The following WNT8B variants were observed in gnomAD, a reference collection of about 807,000 sequenced individuals.
WNT8B encodes protein Wnt-8b.
WNT8B carries 24 observed loss-of-function variants against 36.6 expected under a neutral mutation model. The observed-to-expected ratio is 0.66, with a 90% CI of 0.48 to 0.92. The LOEUF (loss-of-function observed/expected upper bound fraction) is 0.92, where lower values mean the gene tolerates loss of function less well. Ranked by LOEUF, WNT8B falls within the 40% of genes least tolerant of loss-of-function variation. WNT8B has a pLI of 0.00. For synonymous variants in WNT8B, 199 were observed against 189.8 expected (o/e 1.05, Z -0.40); for missense variants, 402 against 470.8 (o/e 0.85, Z 1.35).
chr10:100,468,197 G>C (rs1254224834), intron 1 of WNT8B, among the ~76,000 whole-genome samples: 1 of 152,134 alleles, frequency 6.6e-6, no homozygotes, highest in African/African-American at 2.4e-5. Context: ...CATCTATTTG[G>C]ATTAATTCCA....
Position 100,469,333 on chromosome 10 carries a change from A to C in WNT8B, c.68+6097A>C, listed in dbSNP as rs1048931654. Among the ~76,000 whole-genome samples, 3 of 152,200 alleles carry C rather than the reference A, an allele frequency of 2.0e-5. No individual in the cohort carries two copies. The East Asian group carries it at 5.8e-4, about 29-fold the overall frequency. ...TTGTGTTCTATTGCCATACTTAAAT[A>C]GATCCCTCCACTGATACCAGCTTTG... On this transcript the variant is annotated intron_variant, in intron 1 of 5. Coordinates refer to ENST00000343737, the MANE Select transcript of WNT8B (RefSeq NM_003393.4).
chr10:100,483,227 G>A lies in WNT8B; in HGVS notation c.*411G>A, dbSNP rs566746739. 17 of 168,902 alleles carry A rather than the reference G, an allele frequency of 1.0e-4. No homozygotes were observed. The highest frequency in any genetic ancestry group is 4.4e-4 in the Admixed American group (7 of 15,834). 10.5% of individuals were successfully genotyped at this position (168,902 alleles called of 1,614,324 possible). A position where few individuals can be genotyped will look rare whatever the true frequency, so the allele number is the denominator to read the frequency against. On this transcript the variant is annotated 3_prime_UTR_variant, in exon 6 of 6. Transcript: ENST00000343737. ...CCTTTTGCCCACTGTCTGCTACCAG[G>A]GCTCACCCACTGCTGCACCTCTCTT...
chr10:100,473,063 C>G lies in WNT8B; in HGVS notation c.69-5989C>G, dbSNP rs576959104. ...TTTCAAAATCCTTGTATTCAATTCA[C>G]TTTTATAGGCACTTACTATGTTCAA... On this transcript the variant is annotated intron_variant, in intron 1 of 5. Coordinates refer to ENST00000343737, the MANE Select transcript of WNT8B (RefSeq NM_003393.4). 1.8e-3 allele frequency among the ~76,000 whole-genome samples: 275 copies of G among 152,222 alleles called. 2 individuals are homozygous for G. The highest frequency in any genetic ancestry group is 6.4e-3 in the African/African-American group (264 of 41,512).
In WNT8B at chr10:100,463,111, C is replaced by T; in HGVS notation, c.-58C>T. 6.6e-7 allele frequency: 1 copy of T among 1,507,512 alleles called. No homozygotes were observed. The highest frequency in any genetic ancestry group is 9.2e-7 in the Non-Finnish European group (1 of 1,086,068). 93.4% of individuals were successfully genotyped at this position (1,507,512 alleles called of 1,614,324 possible). On this transcript the variant is annotated 5_prime_UTR_variant, in exon 1 of 6. Transcript: ENST00000343737. ...GGCACTGAGGAGAATATTTCTCCGTCTTGCTTACCCATCTCCCAGTTTTTT... is the reference window on the plus strand; with the variant it reads ...GGCACTGAGGAGAATATTTCTCCGTTTTGCTTACCCATCTCCCAGTTTTTT...
Position 100,483,318 on chromosome 10 carries a change from C to T in WNT8B, c.*502C>T, listed in dbSNP as rs1000955055. 6.5e-6 allele frequency: 1 copy of T among 153,272 alleles called. No individual in the cohort carries two copies. The highest frequency in any genetic ancestry group is 2.1e-4 in the South Asian group (1 of 4,840). 9.5% of individuals were successfully genotyped at this position (153,272 alleles called of 1,614,324 possible). A position where few individuals can be genotyped will look rare whatever the true frequency, so the allele number is the denominator to read the frequency against. On this transcript the variant is annotated 3_prime_UTR_variant, in exon 6 of 6. Coordinates refer to ENST00000343737, the MANE Select transcript of WNT8B (RefSeq NM_003393.4). ...CCAGGAATCTTGAATGCTTTCTCTCCTCTTCTCCCTTTCCTTTCCCAGAAA... is the reference window on the plus strand; with the variant it reads ...CCAGGAATCTTGAATGCTTTCTCTCTTCTTCTCCCTTTCCTTTCCCAGAAA...
At chr10:100,466,469 A>T (rs1408098900) in intron 1 of WNT8B, among the ~76,000 whole-genome samples, 1 of 152,136 alleles carries the variant, frequency 6.6e-6, no homozygotes, top group African/African-American at 2.4e-5. Flanking sequence ...TCTTGTCATG[A>T]AAGACAATAA....
At chr10:100,465,647 G>C (rs1448852043) in intron 1 of WNT8B, among the ~76,000 whole-genome samples, 1 of 152,162 alleles carries the variant, frequency 6.6e-6, no homozygotes, top group Non-Finnish European at 1.5e-5. Flanking sequence ...TTCTTCAACA[G>C]AAGTCACCGC....
Position 100,482,886 on chromosome 10 carries a change from C to A in WNT8B, c.*70C>A. On this transcript the variant is annotated 3_prime_UTR_variant, in exon 6 of 6. Coordinates refer to ENST00000343737, the MANE Select transcript of WNT8B (RefSeq NM_003393.4). This position sits in a 1 kb window ranked among gnomAD's most constrained non-coding sequence, Gnocchi z 6.6. Reference sequence around the variant, plus strand: ...TTTAGAGACCCCGGTAATTGTGGAACCTAGGGAATGGGGAACCCGCTCTCC... The same window carrying A: ...TTTAGAGACCCCGGTAATTGTGGAAACTAGGGAATGGGGAACCCGCTCTCC... The A allele has an allele frequency of 7.1e-6, 10 of 1,415,570 alleles. No homozygotes were observed. The highest frequency in any genetic ancestry group is 9.3e-6 in the Non-Finnish European group (10 of 1,076,358). 87.7% of individuals were successfully genotyped at this position (1,415,570 alleles called of 1,614,324 possible).
At chr10:100,477,294 T>C (rs966396694) in intron 1 of WNT8B, among the ~76,000 whole-genome samples, 11 of 152,116 alleles carry the variant, frequency 7.2e-5, no homozygotes, top group Admixed American at 6.5e-4. Context: ...TTTATTCATT[T>C]ATTTATTTAT....
intron 1 of WNT8B, among the ~76,000 whole-genome samples, chr10:100,465,399 T>C (rs1442822993): frequency 6.6e-6 from 1 of 152,202 alleles, no homozygotes; most frequent in Non-Finnish European, 1.5e-5. Context: ...ATGATTATAA[T>C]GGTGGCCAGA....
rs1230104628 is a variant in WNT8B at position 100,482,591 on chromosome 10, G to A, written c.831G>A (p.Arg277=). The A allele has an allele frequency of 1.3e-6, 2 of 1,597,574 alleles. No homozygotes were observed. The highest frequency in any genetic ancestry group is 1.3e-5 in the African/African-American group (1 of 74,812). ...TEGRECLRRG[R]ALGRWERRSC... is the part of the protein sequence containing the mutation. ...GCCGAGAGTGCCTAAGGCGCGGGCG[G>A]GCCCTGGGTCGCTGGGAACGCCGCA... is the stretch of plus-strand genomic sequence containing the variant. Residue 277 remains arginine (R), a synonymous_variant, in exon 6 of 6, where the codon CGG becomes CGA. Transcript: ENST00000343737. The surrounding 1 kb of genome is among the most constrained non-coding windows in gnomAD (Gnocchi z 6.6).
In WNT8B at chr10:100,483,049, G is replaced by T; in HGVS notation, c.*233G>T. ...AGCCACACCTAGGTCTGAGAACTCA[G>T]GCTTTGAGTTACTGATCTTCCTTGG... On this transcript the variant is annotated 3_prime_UTR_variant, in exon 6 of 6. Coordinates refer to ENST00000343737, the MANE Select transcript of WNT8B (RefSeq NM_003393.4). The T allele has an allele frequency of 2.1e-6, 1 of 475,064 alleles. No individual in the cohort carries two copies. The highest frequency in any genetic ancestry group is 3.6e-6 in the Non-Finnish European group (1 of 275,704). 29.4% of individuals were successfully genotyped at this position (475,064 alleles called of 1,614,324 possible). A position where few individuals can be genotyped will look rare whatever the true frequency, so the allele number is the denominator to read the frequency against.
At chr10:100,466,757 C>T (rs181923252) in intron 1 of WNT8B, among the ~76,000 whole-genome samples, 1,506 of 148,004 alleles carry the variant, frequency 0.01, 22 homozygotes, top group African/African-American at 0.035. Flanking sequence ...AAAGATATTC[C>T]TTTTTTTTTT....
Position 100,482,252 on chromosome 10 carries a change from C to T in WNT8B, c.511-19C>T. 1 of 1,569,078 alleles carries T rather than the reference C, an allele frequency of 6.4e-7. No individual in the cohort carries two copies. The highest frequency in any genetic ancestry group is 8.6e-7 in the Non-Finnish European group (1 of 1,162,926). ...CACGCGCTTAATCCGGGGCCTCTCA[C>T]TCCTAGCTCTCTCCCCAGGCGGTGA... On this transcript the variant is annotated intron_variant, in intron 5 of 5. Coordinates refer to ENST00000343737, the MANE Select transcript of WNT8B (RefSeq NM_003393.4). This position sits in a 1 kb window ranked among gnomAD's most constrained non-coding sequence, Gnocchi z 6.6.
In WNT8B at chr10:100,482,361, T is replaced by C; in HGVS notation, c.601T>C (p.Phe201Leu). 1.2e-6 allele frequency: 2 copies of C among 1,605,470 alleles called. No homozygotes were observed. Among genetic ancestry groups the C allele is most frequent in the Non-Finnish European group, 1.7e-6 (2 of 1,179,922 alleles). The stretch of plus-strand genomic sequence containing the variant: ...GACCTGTTGGCTGCAGCTGCCCGAG[T>C]TCCGCGAGGTGGGCGCGCACCTGAA... ...TQTCWLQLPE[F>L]REVGAHLKEK... The change falls in exon 6 of 6, where the codon TTC becomes CTC. Residue 201 changes from phenylalanine to leucine, a missense_variant. By Grantham distance (22) the Phe-to-Leu change is conservative. Coordinates refer to ENST00000343737, the MANE Select transcript of WNT8B (RefSeq NM_003393.4). The surrounding 1 kb of genome is among the most constrained non-coding windows in gnomAD (Gnocchi z 6.6).
Position 100,482,611 on chromosome 10 carries a change from G to A in WNT8B, c.851G>A (p.Arg284His). ...GGGCGGGCCCTGGGTCGCTGGGAAC[G>A]CCGCAGCTGCCGCCGGCTCTGCGGG... is the stretch of plus-strand genomic sequence containing the variant. ...RRGRALGRWERRSCRRLCGDC... is the reference protein window; with the variant it reads ...RRGRALGRWEHRSCRRLCGDC... Residue 284 changes from arginine (R) to histidine (H), a missense_variant, in exon 6 of 6, where the codon CGC (arginine) becomes CAC (histidine). Coordinates refer to ENST00000343737, the MANE Select transcript of WNT8B (RefSeq NM_003393.4). This position sits in a 1 kb window ranked among gnomAD's most constrained non-coding sequence, Gnocchi z 6.6. 6.3e-7 allele frequency: 1 copy of A among 1,598,876 alleles called. No individual in the cohort carries two copies. Among genetic ancestry groups the A allele is most frequent in the Non-Finnish European group, 8.5e-7 (1 of 1,176,988 alleles).
At chr10:100,476,452 G>A (rs547638667) in intron 1 of WNT8B, among the ~76,000 whole-genome samples, 82 of 152,160 alleles carry the variant, frequency 5.4e-4, no homozygotes, top group African/African-American at 2.0e-3. Flanking sequence ...CACATTTTTG[G>A]TGTTGTATGT....
In WNT8B at chr10:100,481,046, T is replaced by C. The variant is rs1162052409; in HGVS notation, c.290T>C (p.Met97Thr). The change falls in exon 4 of 6, where the codon ATG becomes ACG. Residue 97 changes from methionine (M) to threonine (T), a missense_variant. Met to Thr is a moderately conservative substitution (Grantham distance 81). Transcript: ENST00000343737. ...CATGCCATCAGTTCTGCTGGAGTCA[T>C]GTACACCCTGACTAGAAACTGCAGC... ...FVHAISSAGV[M>T]YTLTRNCSLG... is the part of the protein sequence containing the mutation. 1.2e-5 allele frequency: 20 copies of C among 1,613,952 alleles called. No individual in the cohort carries two copies. The Middle Eastern group carries it at 4.9e-4, about 40-fold the overall frequency.
intron 1 of WNT8B, among the ~76,000 whole-genome samples, chr10:100,473,303 AG>A (rs1347927017): frequency 2.6e-5 from 4 of 152,240 alleles, no homozygotes; most frequent in African/African-American, 9.6e-5. Flanking sequence ...ATACTATAAA[AG>A]GCACCCTTTA....
Sources: allele counts gnomAD v4.1 joint callset (sites outside exome capture counted in the v4.1 genomes callset), GRCh38; gene constraint gnomAD v4.1.1; non-coding constraint Gnocchi (gnomAD v3.1); transcripts MANE v1.5; gene names NCBI Gene and HGNC (gene_info 2026-07-23, HGNC 2026-07-21).